Variants in KLHL13 observed in about 807,000 individuals in gnomAD.
The protein encoded by KLHL13 is kelch-like protein 13.
In KLHL13, 10 loss-of-function variants were observed where a neutral mutation model predicts 37.1. That is an observed-to-expected ratio of 0.27 (90% CI 0.17 to 0.46). KLHL13 has a LOEUF of 0.46. KLHL13 is among the 20% of genes least tolerant of loss of function. The pLI, the probability that KLHL13 is intolerant of heterozygous loss-of-function variation, is 1.00. For missense variants in KLHL13, 360 were observed against 509.3 expected, an observed-to-expected ratio of 0.71 and a Z score of 2.82; for synonymous variants, 163 against 181.2, an observed-to-expected ratio of 0.90 and a Z score of 0.81.
intron 1 of KLHL13, among the ~76,000 whole-genome samples, chrX:118,115,755 T>G (rs1426421259): frequency 8.9e-6 from 1 of 112,505 alleles, no homozygotes; most frequent in East Asian, 2.8e-4. Context: ...GTACGAAGAT[T>G]GCGTACCAAC....
chrX:118,005,410 T>A (rs1312264850), intron 1 of KLHL13, among the ~76,000 whole-genome samples: 1 of 111,470 alleles, frequency 9.0e-6, no homozygotes, highest in African/African-American at 3.3e-5. Context: ...ATATAGGGTG[T>A]GGTAGGCAGA....
At chrX:118,096,012 A>G (rs202184691) in intron 1 of KLHL13, among the ~76,000 whole-genome samples, 1 of 112,049 alleles carries the variant, frequency 8.9e-6, no homozygotes, top group Admixed American at 9.5e-5. Flanking sequence ...CATCACAATT[A>G]AAAGAACTAG....
intron 1 of KLHL13, chrX:118,028,476 C>G: frequency 9.0e-7 from 1 of 1,106,624 alleles, no homozygotes. Flanking sequence ...TGATCCATCA[C>G]CTCTAAAAGT....
intron 4 of KLHL13, chrX:117,914,256 G>A (rs1272305173): frequency 4.8e-5 from 5 of 103,597 alleles, no homozygotes; most frequent in African/African-American, 1.4e-4. Context: ...CTGGCTAGCC[G>A]AGTGAAGCAG....
chrX:117,977,054 T>C (rs183238872), upstream of KLHL13, among the ~76,000 whole-genome samples: 125 of 112,138 alleles, frequency 1.1e-3, no homozygotes, highest in Non-Finnish European at 1.8e-3. Context: ...AGGACTCTTG[T>C]AGAATCCCTA....
chrX:117,953,732 T>C (rs1323012675), intron 1 of KLHL13, among the ~76,000 whole-genome samples: 1 of 111,077 alleles, frequency 9.0e-6, no homozygotes, highest in African/African-American at 3.3e-5. Flanking sequence ...CAGTAGAGGC[T>C]ATAAGTCACT....
intron 1 of KLHL13, among the ~76,000 whole-genome samples, chrX:118,018,358 C>T (rs745390605): frequency 9.0e-6 from 1 of 111,607 alleles, no homozygotes; most frequent in Non-Finnish European, 1.9e-5. Flanking sequence ...TGCTTTTGCA[C>T]GTGACAATGT....
At chrX:118,035,113 C>T (rs1452716853) in intron 1 of KLHL13, among the ~76,000 whole-genome samples, 1 of 103,880 alleles carries the variant, frequency 9.6e-6, no homozygotes, top group Non-Finnish European at 1.9e-5. Flanking sequence ...GTTTACCAAC[C>T]AAAAAGAGTC....
intron 1 of KLHL13, among the ~76,000 whole-genome samples, chrX:118,007,392 A>AAAAAAAGAG (rs1555984408): frequency 3.8e-5 from 4 of 103,973 alleles, no homozygotes; most frequent in African/African-American, 1.1e-4. Flanking sequence ...AAAAAAAAAA[A>AAAAAAAGAG]AGAGAGAGAG....
intron 1 of KLHL13, among the ~76,000 whole-genome samples, chrX:118,067,932 C>A (rs1189573098): frequency 8.9e-6 from 1 of 111,899 alleles, no homozygotes; most frequent in Non-Finnish European, 1.9e-5. Context: ...CATTTATTAT[C>A]AAGTATTATG....
At chrX:118,106,102 G>A (rs2055344115) in intron 1 of KLHL13, among the ~76,000 whole-genome samples, 1 of 103,866 alleles carries the variant, frequency 9.6e-6, no homozygotes, top group African/African-American at 3.5e-5. Flanking sequence ...AGTAGAACAG[G>A]GTTTCACCAT....
intron 1 of KLHL13, among the ~76,000 whole-genome samples, chrX:118,077,000 C>T (rs112395736): frequency 0.04 from 4,381 of 109,746 alleles, 225 homozygotes; most frequent in African/African-American, 0.14. Flanking sequence ...ACAACCCCGA[C>T]TAACACAGGG....
chrX:118,024,083 A>T (rs959376056), intron 1 of KLHL13, among the ~76,000 whole-genome samples: 1 of 112,357 alleles, frequency 8.9e-6, no homozygotes, highest in Non-Finnish European at 1.9e-5. Flanking sequence ...GTTATAAACT[A>T]GGGTCCATAA....
intron 1 of KLHL13, among the ~76,000 whole-genome samples, chrX:118,056,563 T>G (rs143255559): frequency 0.015 from 1,681 of 112,228 alleles, 20 homozygotes; most frequent in Middle Eastern, 0.023. Flanking sequence ...CTTTTTACCC[T>G]TTCAATTAAT....
At chrX:117,989,070 T>C (rs941436085) in intron 1 of KLHL13, among the ~76,000 whole-genome samples, 6 of 111,492 alleles carry the variant, frequency 5.4e-5, no homozygotes, top group African/African-American at 1.6e-4. Flanking sequence ...AGGGCAGACA[T>C]AGAGGGTTAA....
chrX:118,070,622 T>A (rs1028722484), intron 1 of KLHL13, among the ~76,000 whole-genome samples: 5 of 111,172 alleles, frequency 4.5e-5, no homozygotes, highest in Admixed American at 9.5e-5. Flanking sequence ...TGTATTCAAA[T>A]TATGTATAAC....
chrX:117,983,451 T>C (rs753672089), intron 1 of KLHL13: 4 of 930,878 alleles, frequency 4.3e-6, no homozygotes, highest in African/African-American at 4.2e-5. Flanking sequence ...AAAAAAAAGG[T>C]GAGGAAAAAT....
At chrX:117,993,031 T>C (rs768189604) in intron 1 of KLHL13, among the ~76,000 whole-genome samples, 1 of 112,171 alleles carries the variant, frequency 8.9e-6, no homozygotes, top group Admixed American at 9.5e-5. Context: ...CAGTACTATA[T>C]AAGCTATGCT....
rs1189435032 is a variant in KLHL13 at position 118,076,508 on chromosome X, CATTGGGA to C, written c.-56+39993_-56+39999del. On this transcript the variant is annotated intron_variant, in intron 1 of 6. Coordinates refer to the KLHL13 transcript ENST00000371882. Reference sequence around the variant, plus strand: ...GAGGTGGCTCCCACTGCAGTCGTTGCATTGGGAGAAGGACTGGGAAGAAGAGACTTGT... The same window carrying C: ...GAGGTGGCTCCCACTGCAGTCGTTGCGAAGGACTGGGAAGAAGAGACTTGT... Among the ~76,000 whole-genome samples the C allele has an allele frequency of 4.5e-5, 5 of 111,265 alleles. No homozygotes were observed. In the East Asian group the frequency reaches 1.4e-3, roughly 31 times the overall value.
Sources: gnomAD v4.1 joint callset for allele counts (sites outside exome capture counted in the v4.1 genomes callset) on GRCh38, gnomAD v4.1.1 for gene constraint, MANE v1.5 for transcripts, NCBI Gene and HGNC (gene_info 2026-07-23, HGNC 2026-07-21) for gene names.